Variants in TTC27 observed in about 807,000 individuals in gnomAD.
TTC27 encodes tetratricopeptide repeat domain 27.
Under a neutral mutation model 115.9 loss-of-function variants are expected in TTC27, and 79 were observed. The ratio of observed to expected loss-of-function variants is 0.68; its 90% CI spans 0.57 to 0.82. The LOEUF (loss-of-function observed/expected upper bound fraction) is 0.82. Among genes scored for constraint, TTC27 ranks in the 40% least tolerant of loss-of-function variants. TTC27 has a pLI of 0.00. For synonymous variants in TTC27, 401 were observed against 356.0 expected, an observed-to-expected ratio of 1.13 and a Z score of -1.42; for missense variants, 1,054 against 993.1, an observed-to-expected ratio of 1.06 and a Z score of -0.82.
chr2:32,722,793 A>G (rs940878159), intron 10 of TTC27, among the ~76,000 whole-genome samples: 8 of 152,194 alleles, frequency 5.3e-5, no homozygotes, highest in Non-Finnish European at 1.2e-4. Flanking sequence ...AAGGCCTACA[A>G]TTCAGGTTGA....
At chr2:32,691,445 C>T (rs1666806632) in intron 9 of TTC27, among the ~76,000 whole-genome samples, 1 of 151,866 alleles carries the variant, frequency 6.6e-6, no homozygotes, top group South Asian at 2.1e-4. Flanking sequence ...ATTACAGGCA[C>T]ACGCCACTGC....
At chr2:32,763,207 A>G (rs1049447105) in intron 13 of TTC27, among the ~76,000 whole-genome samples, 1 of 152,220 alleles carries the variant, frequency 6.6e-6, no homozygotes, top group African/African-American at 2.4e-5. Context: ...ATATGCAGGT[A>G]TTGAATGCTG....
chr2:32,784,808 A>G (rs768201082), intron 15 of TTC27, among the ~76,000 whole-genome samples: 1 of 152,178 alleles, frequency 6.6e-6, no homozygotes, highest in East Asian at 1.9e-4. Flanking sequence ...GTTCACCCCC[A>G]ACCCCTGTGG....
intron 2 of TTC27, among the ~76,000 whole-genome samples, chr2:32,631,276 C>T (rs1372569365): frequency 6.6e-6 from 1 of 152,036 alleles, no homozygotes; most frequent in Non-Finnish European, 1.5e-5. Context: ...GCACTCTAGC[C>T]TGGGCGACAG....
chr2:32,702,045 C>G (rs1372934317), intron 9 of TTC27, among the ~76,000 whole-genome samples: 1 of 128,362 alleles, frequency 7.8e-6, no homozygotes, highest in African/African-American at 2.9e-5. Context: ...AAAAAACCAG[C>G]TACCAAAACT....
In TTC27 at chr2:32,821,011, C is replaced by G. The variant is rs960556253; in HGVS notation, c.*73C>G. 3 of 1,284,106 alleles carry G rather than the reference C, an allele frequency of 2.3e-6. No individual in the cohort carries two copies. The highest frequency in any genetic ancestry group is 3.0e-6 in the Non-Finnish European group (3 of 990,394). The allele number at this position is 1,284,106 out of a possible 1,614,324, so 79.5% of individuals were successfully genotyped here. ...AAGATACATCTGTATATCTGAAATG[C>G]AAGATATTGATTTTTAAAATAAATT... On this transcript the variant is annotated 3_prime_UTR_variant, in exon 20 of 20. Transcript: ENST00000317907.
At chr2:32,762,628 GT>G (rs112516132) in intron 13 of TTC27, among the ~76,000 whole-genome samples, 46,503 of 147,130 alleles carry the variant, frequency 0.32, 7,294 homozygotes, top group East Asian at 0.4. Context: ...AGTTTTTTGG[GT>G]TTTTTTTTTT....
chr2:32,795,526 CTTTTCTTATTTAT>C (rs1670668741), intron 16 of TTC27, among the ~76,000 whole-genome samples: 1 of 145,536 alleles, frequency 6.9e-6, no homozygotes, highest in Admixed American at 6.9e-5. Context: ...CTGAAAGCTT[CTTTTCTTATTTAT>C]TTATTTATTT....
chr2:32,637,990 C>G (rs1272668413), intron 3 of TTC27, among the ~76,000 whole-genome samples: 1 of 152,210 alleles, frequency 6.6e-6, no homozygotes, highest in Non-Finnish European at 1.5e-5. Flanking sequence ...TTGAGGCTCT[C>G]CAAATGCTTA....
At chr2:32,816,139 C>T (rs1249156988) in intron 18 of TTC27, among the ~76,000 whole-genome samples, 1 of 152,104 alleles carries the variant, frequency 6.6e-6, no homozygotes, top group African/African-American at 2.4e-5. Context: ...GAGACCCCAT[C>T]TCTACCAAAA....
chr2:32,720,870 G>A (rs532819848), intron 10 of TTC27, among the ~76,000 whole-genome samples: 7 of 152,200 alleles, frequency 4.6e-5, no homozygotes, highest in East Asian at 3.9e-4. Context: ...CAGAATATTC[G>A]TGTGCTCTAT....
intron 15 of TTC27, 130 bp downstream of exon 15, chr2:32,782,808 C>G: frequency 3.3e-6 from 2 of 606,592 alleles, no homozygotes; most frequent in South Asian, 3.5e-5. Flanking sequence ...AATAGAATAA[C>G]TTAAGTAGAA....
At chr2:32,698,727 G>C (rs1046883829) in intron 9 of TTC27, among the ~76,000 whole-genome samples, 23 of 151,836 alleles carry the variant, frequency 1.5e-4, no homozygotes, top group African/African-American at 5.6e-4. Flanking sequence ...TGATCCGCCC[G>C]CCTCGGCCTC....
chr2:32,686,088 G>A (rs1269385031), intron 9 of TTC27, among the ~76,000 whole-genome samples: 2 of 152,110 alleles, frequency 1.3e-5, no homozygotes, highest in Non-Finnish European at 2.9e-5. Context: ...ATTTGCAATA[G>A]CCTTAAATAA....
At chr2:32,797,004 C>G (rs566206197) in intron 16 of TTC27, among the ~76,000 whole-genome samples, 2 of 151,828 alleles carry the variant, frequency 1.3e-5, no homozygotes, top group East Asian at 3.9e-4. Context: ...GAAACCCCAT[C>G]TCTACAAAAA....
intron 16 of TTC27, among the ~76,000 whole-genome samples, chr2:32,802,992 T>C (rs1671004744): frequency 1.3e-5 from 2 of 152,244 alleles, no homozygotes; most frequent in South Asian, 2.1e-4. Context: ...CGTATTTCCC[T>C]GGGGTATTGT....
intron 2 of TTC27, among the ~76,000 whole-genome samples, chr2:32,631,437 G>A (rs1410658398): frequency 6.6e-6 from 1 of 152,132 alleles, no homozygotes; most frequent in Non-Finnish European, 1.5e-5. Context: ...TTTTTGTAAG[G>A]AAGCCCTTGG....
At chr2:32,669,090 T>A (rs184933894) in intron 7 of TTC27, among the ~76,000 whole-genome samples, 3,568 of 151,658 alleles carry the variant, frequency 0.024, 54 homozygotes, top group Middle Eastern at 0.037. Flanking sequence ...AAAAAAAAAA[T>A]AAATCAATAA....
At chr2:32,746,034 A>G (rs1256584358) in intron 12 of TTC27, among the ~76,000 whole-genome samples, 3 of 152,206 alleles carry the variant, frequency 2.0e-5, no homozygotes, top group African/African-American at 7.2e-5. Context: ...AAAAAAAAGT[A>G]TTAAAATTAA....
Sources: allele counts gnomAD v4.1 joint callset (sites outside exome capture counted in the v4.1 genomes callset), GRCh38; gene constraint gnomAD v4.1.1; transcripts MANE v1.5; gene names NCBI Gene and HGNC (gene_info 2026-07-23, HGNC 2026-07-21).